The following ALK variants were observed in gnomAD, a reference collection of about 807,000 sequenced individuals.
ALK encodes ALK tyrosine kinase receptor.
In ALK, 74 loss-of-function variants were observed where a neutral mutation model predicts 163.1. The ratio of observed to expected loss-of-function variants is 0.45; its 90% CI spans 0.38 to 0.55. The LOEUF is 0.55. Among genes scored for constraint, ALK ranks in the 20% least tolerant of loss-of-function variants. The pLI, the probability that ALK is intolerant of heterozygous loss-of-function variation, is 0.00. For synonymous variants in ALK, 960 were observed against 843.2 expected, an observed-to-expected ratio of 1.14 and a Z score of -2.40; for missense variants, 2,063 against 2,105.3, an observed-to-expected ratio of 0.98 and a Z score of 0.39.
chr2:29,780,327 C>T (rs533308573), intron 1 of ALK, among the ~76,000 whole-genome samples: 9 of 152,138 alleles, frequency 5.9e-5, no homozygotes, highest in Non-Finnish European at 1.2e-4. Flanking sequence ...AGCCCATTTC[C>T]GGAAAGTGTG....
intron 8 of ALK, among the ~76,000 whole-genome samples, chr2:29,298,462 T>C (rs1200343922): frequency 2.6e-5 from 4 of 152,190 alleles, no homozygotes; most frequent in Non-Finnish European, 5.9e-5. Flanking sequence ...TCACGATGCT[T>C]TCTCCTTTTG....
At chr2:29,706,975 ATGTGTGTGTGTGTGTGTGTGTG>A (rs766564449) in intron 2 of ALK, among the ~76,000 whole-genome samples, 4 of 102,726 alleles carry the variant, frequency 3.9e-5, no homozygotes, top group Admixed American at 1.0e-4. Flanking sequence ...CTCATGCAGA[ATGTGTGTGTGTGTGTGTGTGTG>A]TGTGTGTGTG....
chr2:29,690,072 A>T (rs1334146789), intron 3 of ALK, among the ~76,000 whole-genome samples: 1 of 152,204 alleles, frequency 6.6e-6, no homozygotes, highest in East Asian at 1.9e-4. Context: ...AGAATTTGTT[A>T]AAACAGCCAC....
intron 4 of ALK, among the ~76,000 whole-genome samples, chr2:29,487,323 G>A (rs1671798972): frequency 6.6e-6 from 1 of 152,178 alleles, no homozygotes; most frequent in African/African-American, 2.4e-5. Flanking sequence ...TGGGAGAACA[G>A]TGTGAAAGGG....
chr2:29,867,506 T>C (rs1167027790), intron 1 of ALK, among the ~76,000 whole-genome samples: 2 of 152,156 alleles, frequency 1.3e-5, no homozygotes, highest in East Asian at 3.9e-4. Flanking sequence ...ATTCAACAGA[T>C]TCGTGAGTTG....
intron 1 of ALK, among the ~76,000 whole-genome samples, chr2:29,768,844 T>C (rs1476098206): frequency 1.3e-5 from 2 of 151,926 alleles, no homozygotes; most frequent in South Asian, 2.1e-4. Context: ...TTTTTATCTT[T>C]TTTTTTTAAG....
At chr2:29,664,709 C>G (rs559718924) in intron 3 of ALK, among the ~76,000 whole-genome samples, 115 of 152,268 alleles carry the variant, frequency 7.6e-4, no homozygotes, top group African/African-American at 2.7e-3. Flanking sequence ...CCCACCTTGT[C>G]CCAGGTCCTA....
intron 1 of ALK, among the ~76,000 whole-genome samples, chr2:29,748,918 G>A (rs1257101366): frequency 6.6e-6 from 1 of 152,102 alleles, no homozygotes; most frequent in African/African-American, 2.4e-5. Flanking sequence ...GCTAATTTTT[G>A]TATTTTTAGT....
chr2:29,244,906 GT>G (rs1293889152), intron 12 of ALK, among the ~76,000 whole-genome samples: 3 of 152,278 alleles, frequency 2.0e-5, no homozygotes, highest in Non-Finnish European at 2.9e-5. Flanking sequence ...TCCAGAGACT[GT>G]GAGGCTCCAG....
At chr2:29,627,327 G>C (rs1676222359) in intron 3 of ALK, among the ~76,000 whole-genome samples, 1 of 152,086 alleles carries the variant, frequency 6.6e-6, no homozygotes, top group African/African-American at 2.4e-5. Context: ...CAAAAAGCAG[G>C]GCTTTTTGCA....
Position 29,443,466 on chromosome 2 carries a change from G to A in ALK, c.1155-59607C>T, listed in dbSNP as rs182465638. On this transcript the variant is annotated intron_variant, in intron 4 of 28. Transcript: ENST00000389048. ...CAAATAAACTCATCTACTTGCCACC[G>A]AGTCTTTCTTTGGTCTTTTGGCTCC... is the stretch of plus-strand genomic sequence containing the variant. 2.0e-3 allele frequency among the ~76,000 whole-genome samples: 298 copies of A among 152,276 alleles called. 1 individual carries two copies. Among genetic ancestry groups the A allele is most frequent in the Non-Finnish European group, 3.4e-3 (232 of 68,020 alleles).
chr2:29,831,028 A>AAGGAGGAGG (rs146992197), intron 1 of ALK, among the ~76,000 whole-genome samples: 1 of 36,540 alleles, frequency 2.7e-5, no homozygotes, highest in African/African-American at 8.5e-5. Flanking sequence ...GAGGAAGGGG[A>AAGGAGGAGG]AGGAGGAGGA....
Position 29,531,921 on chromosome 2 carries a change from T to C in ALK, c.1148A>G (p.Lys383Arg). 1 of 1,614,150 alleles carries C rather than the reference T, an allele frequency of 6.2e-7. No individual in the cohort carries two copies. The change falls in exon 4 of 29, where the codon AAG (lysine) becomes AGG (arginine). Residue 383 changes from lysine to arginine, a missense_variant. Around this residue, in one of 5 missense-constraint regions of ALK, gnomAD observed 987 missense variants for 939.5 expected, o/e 1.05. Transcript: ENST00000389048. ...GACATGGAGAAGTACTTACCCATGC[T>C]TCCCTGGAGTGGGCATCAGGAGGAT... is the stretch of plus-strand genomic sequence containing the variant. Reference protein sequence around the residue: ...REILLMPTPGKHGWTVLQGRI... With the variant: ...REILLMPTPGRHGWTVLQGRI...
At chr2:29,859,574 G>A (rs972450510) in intron 1 of ALK, among the ~76,000 whole-genome samples, 3 of 152,090 alleles carry the variant, frequency 2.0e-5, no homozygotes, top group African/African-American at 7.2e-5. Context: ...GCAGGTGGAA[G>A]AAGAAAACCT....
In ALK at chr2:29,209,898, A is replaced by G. The variant is rs2148155453; in HGVS notation, c.3744-20T>C. 6.3e-7 allele frequency: 1 copy of G among 1,599,078 alleles called. No homozygotes were observed. The highest frequency in any genetic ancestry group is 1.7e-4 in the Middle Eastern group (1 of 6,024). ...ATGTCTCTGGGAAGAAAGGAAATGC[A>G]TTTCCTAATTTTATCCCTAGGAAGA... On this transcript the variant is annotated intron_variant, in intron 24 of 28. Coordinates refer to ENST00000389048, the MANE Select transcript of ALK (RefSeq NM_004304.5).
chr2:29,239,680 A>G lies in ALK; in HGVS notation c.2355T>C (p.Ser785=), dbSNP rs1664471490. The change falls in exon 13 of 29, where the codon AGT becomes AGC. Residue 785 remains serine (S), a splice_region_variant and synonymous_variant. Transcript: ENST00000389048. ...AGAAACCCCTGCTCTGGGCACTTAC[A>G]CTGGGGCAGGCGTCCTCTCCCTGCT... is the stretch of plus-strand genomic sequence containing the variant. ...VGQQGEDACP[S]TNQLIQKVCI... 1 of 1,613,650 alleles carries G rather than the reference A, an allele frequency of 6.2e-7. No individual in the cohort carries two copies.
rs1230623380 is a variant in ALK at position 29,251,143 on chromosome 2, G to A, written c.2166C>T (p.Gly722=). 1.9e-6 allele frequency: 3 copies of A among 1,614,022 alleles called. No homozygotes were observed. Among genetic ancestry groups the A allele is most frequent in the Non-Finnish European group, 2.5e-6 (3 of 1,180,040 alleles). The change falls in exon 12 of 29, where the codon GGC becomes GGT. Residue 722 remains glycine, a synonymous_variant. Transcript: ENST00000389048. ...TGGCTGGCACCTTCCAGATCTGGAT[G>A]CCTTTCAGGGGGCCCTCGCTCCCCA... ...VEVGSEGPLK[G]IQIWKVPATD... is the part of the protein sequence containing the mutation.
rs1553404732 is a variant in ALK at position 29,288,955 on chromosome 2, A to AAAAAAAT, written c.1817+7932_1817+7933insATTTTTT. Among the ~76,000 whole-genome samples, 3 of 26,760 alleles carry AAAAAAAT rather than the reference A, an allele frequency of 1.1e-4. 1 individual carries two copies. The highest frequency in any genetic ancestry group is 1.7e-4 in the African/African-American group (3 of 18,052). 17.6% of individuals were successfully genotyped at this position (26,760 alleles called of 152,430 possible). On this transcript the variant is annotated intron_variant, in intron 9 of 28. Transcript: ENST00000389048. ...CGACAGAGGGAGACTCCTTCTCAAA[A>AAAAAAAT]AAATAAATAAATAAATAAATAAATA...
chr2:29,874,257 C>A (rs1408843327), intron 1 of ALK, among the ~76,000 whole-genome samples: 2 of 151,476 alleles, frequency 1.3e-5, no homozygotes, highest in African/African-American at 4.9e-5. Flanking sequence ...CCCCGCCACC[C>A]AGGACCAAGC....
Sources: allele counts gnomAD v4.1 joint callset (sites outside exome capture counted in the v4.1 genomes callset), GRCh38; gene constraint gnomAD v4.1.1; regional missense constraint gnomAD v4.1.1; transcripts MANE v1.5; gene names NCBI Gene and HGNC (gene_info 2026-07-23, HGNC 2026-07-21).